The following SLC22A17 variants were observed in gnomAD, a reference collection of about 807,000 sequenced individuals.
SLC22A17 encodes solute carrier family 22 member 17, also known as 24p3 receptor.
A neutral mutation model predicts 53.6 loss-of-function variants in SLC22A17; 38 were observed. The ratio of observed to expected loss-of-function variants is 0.71; its 90% CI spans 0.55 to 0.93. The LOEUF is 0.93. Among genes scored for constraint, SLC22A17 ranks in the 40% least tolerant of loss-of-function variants. The pLI is 0.00. For synonymous variants in SLC22A17, 379 were observed against 353.0 expected (o/e 1.07, Z -0.82); for missense variants, 704 against 791.0 (o/e 0.89, Z 1.32).
chr14:23,347,249 G>A lies in SLC22A17; in HGVS notation c.1550-37C>T. ...AGAGGGATGATATGAATGCAGGTGG[G>A]GAGGTCAAGGCTGGCCTAGTCCCGG... is the stretch of plus-strand genomic sequence containing the variant. On this transcript the variant is annotated intron_variant, in intron 8 of 9. Coordinates refer to ENST00000397267, the Ensembl canonical transcript of SLC22A17. The surrounding 1 kb of genome is among the most constrained non-coding windows in gnomAD (Gnocchi z 5.1). The A allele has an allele frequency of 6.3e-7, 1 of 1,580,062 alleles. No homozygotes were observed. The highest frequency in any genetic ancestry group is 1.7e-4 in the Middle Eastern group (1 of 6,014).
rs765203513 is a variant in SLC22A17 at position 23,347,085 on chromosome 14, G to A, written c.1661+16C>T. On this transcript the variant is annotated intron_variant, in intron 9 of 9. Coordinates refer to ENST00000397267, the Ensembl canonical transcript of SLC22A17. The surrounding 1 kb of genome is among the most constrained non-coding windows in gnomAD (Gnocchi z 5.1). ...AGGGGGCCCGGCTCTGCCCCTGGGG[G>A]CACCCCTGCTCTCACCGGACAGTGG... 3.1e-6 allele frequency: 5 copies of A among 1,603,622 alleles called. No homozygotes were observed. In the South Asian group the frequency reaches 3.3e-5, roughly 11 times the overall value.
In SLC22A17 at chr14:23,347,278, T is replaced by A; in HGVS notation, c.1550-66A>T. ...GTCAAGGCTGGCCTAGTCCCGGGTG[T>A]CATCCCCTTGGCTCTCTGTTCCCAT... On this transcript the variant is annotated intron_variant, in intron 8 of 9. Coordinates refer to ENST00000397267, the Ensembl canonical transcript of SLC22A17. The surrounding 1 kb of genome is among the most constrained non-coding windows in gnomAD (Gnocchi z 5.1). 1 of 1,508,168 alleles carries A rather than the reference T, an allele frequency of 6.6e-7. No homozygotes were observed. The highest frequency in any genetic ancestry group is 9.0e-7 in the Non-Finnish European group (1 of 1,107,402). 93.4% of individuals were successfully genotyped at this position (1,508,168 alleles called of 1,614,324 possible).
chr14:23,346,747 C>T (rs564662695), exon 10 of SLC22A17: 3 of 1,545,400 alleles, frequency 1.9e-6, no homozygotes, highest in African/African-American at 1.3e-5. Context: ...GCTCCCCGTC[C>T]CGGAGCACCT....
Position 23,347,311 on chromosome 14 carries a change from G to T in SLC22A17, c.1550-99C>A. ...TTGGCTCTCTGTTCCCATGGCTCTA[G>T]CTGGGCAGGCTCTGGGCATTCAGTA... is the stretch of plus-strand genomic sequence containing the variant. On this transcript the variant is annotated intron_variant, in intron 8 of 9. Coordinates refer to ENST00000397267, the Ensembl canonical transcript of SLC22A17. This position sits in a 1 kb window ranked among gnomAD's most constrained non-coding sequence, Gnocchi z 5.1. The T allele has an allele frequency of 6.8e-7, 1 of 1,466,650 alleles. No individual in the cohort carries two copies. The highest frequency in any genetic ancestry group is 9.2e-7 in the Non-Finnish European group (1 of 1,081,454). 90.9% of individuals were successfully genotyped at this position (1,466,650 alleles called of 1,614,324 possible).
intron 3 of SLC22A17, chr14:23,350,827 G>A (rs553283574): frequency 4.6e-5 from 7 of 152,310 alleles, no homozygotes; most frequent in South Asian, 2.1e-4. Flanking sequence ...TGTGGGTTTC[G>A]GATCATTGGC....
At chr14:23,349,079 A>T in intron 4 of SLC22A17, 193 bp downstream of exon 4, 1 of 700,166 alleles carries the variant, frequency 1.4e-6, no homozygotes, top group Non-Finnish European at 2.5e-6. Context: ...CAAAGACTTT[A>T]AAGATTGTCG....
At chr14:23,350,703 A>G (rs1889570259) in intron 3 of SLC22A17, among the ~76,000 whole-genome samples, 1 of 152,204 alleles carries the variant, frequency 6.6e-6, no homozygotes, top group Non-Finnish European at 1.5e-5. Context: ...TGAAGGCTAC[A>G]GATTTTAGAA....
chr14:23,348,786 G>A lies in SLC22A17; in HGVS notation c.860-115C>T, dbSNP rs1012958301. 4 of 1,162,140 alleles carry A rather than the reference G, an allele frequency of 3.4e-6. No homozygotes were observed. Among genetic ancestry groups the A allele is most frequent in the Admixed American group, 2.9e-5 (1 of 35,084 alleles). 72.0% of individuals were successfully genotyped at this position (1,162,140 alleles called of 1,614,324 possible). On this transcript the variant is annotated intron_variant, in intron 4 of 9. Coordinates refer to ENST00000397267, the Ensembl canonical transcript of SLC22A17. The surrounding 1 kb of genome is among the most constrained non-coding windows in gnomAD (Gnocchi z 4.5). ...AGAGAGAGAGGTCAGACCCAGAGTG[G>A]AGGCTGCAGCCATTGCCTCCCTTGC...
Position 23,347,240 on chromosome 14 carries a change from T to G in SLC22A17, c.1550-28A>C. 6.3e-7 allele frequency: 1 copy of G among 1,591,856 alleles called. No homozygotes were observed. Among genetic ancestry groups the G allele is most frequent in the Non-Finnish European group, 8.6e-7 (1 of 1,164,384 alleles). On this transcript the variant is annotated intron_variant, in intron 8 of 9. Transcript: ENST00000397267. The surrounding 1 kb of genome is among the most constrained non-coding windows in gnomAD (Gnocchi z 5.1). ...GCAGAAGCAAGAGGGATGATATGAATGCAGGTGGGGAGGTCAAGGCTGGCC... is the reference window on the plus strand; with the variant it reads ...GCAGAAGCAAGAGGGATGATATGAAGGCAGGTGGGGAGGTCAAGGCTGGCC...
exon 10 of SLC22A17, chr14:23,346,534 G>T: frequency 7.7e-7 from 1 of 1,305,232 alleles, no homozygotes; most frequent in Non-Finnish European, 1.0e-6. Flanking sequence ...GCGATGGCTG[G>T]CGTGAGGTGC....
rs749914641 is a variant in SLC22A17 at position 23,347,422 on chromosome 14, C to T, written c.1549+38G>A. 7 of 1,599,232 alleles carry T rather than the reference C, an allele frequency of 4.4e-6. No individual in the cohort carries two copies. The East Asian group carries it at 6.7e-5, about 15-fold the overall frequency. ...AGGGTCTGGGGCTTGTCTTGGGAGGCCTGTGCCAGAAGAAATGGCTGTGCC... is the reference window on the plus strand; with the variant it reads ...AGGGTCTGGGGCTTGTCTTGGGAGGTCTGTGCCAGAAGAAATGGCTGTGCC... On this transcript the variant is annotated intron_variant, in intron 8 of 9. Transcript: ENST00000397267. This position sits in a 1 kb window ranked among gnomAD's most constrained non-coding sequence, Gnocchi z 5.1.
rs780366225 is a variant in SLC22A17 at position 23,349,445 on chromosome 14, T to C, written c.705-19A>G. The C allele has an allele frequency of 6.2e-7, 1 of 1,605,430 alleles. No individual in the cohort carries two copies. Among genetic ancestry groups the C allele is most frequent in the African/African-American group, 1.3e-5 (1 of 74,762 alleles). On this transcript the variant is annotated intron_variant, in intron 3 of 9. Coordinates refer to ENST00000397267, the Ensembl canonical transcript of SLC22A17. ...GCCAAATCTAGAAAGTGGGAAGGGC[T>C]TCTGGTCACCCAGACTCTCTGGTGG...
chr14:23,351,881 G>A (rs367910877), intron 2 of SLC22A17, 26 bp from the exon 3 acceptor site: 110 of 1,611,874 alleles, frequency 6.8e-5, no homozygotes, highest in Non-Finnish European at 8.8e-5. Context: ...GGGTGCAGCG[G>A]GCGTGAGGCC....
Position 23,352,685 on chromosome 14 carries a change from T to C in SLC22A17, c.57A>G (p.Lys19=). 5.0e-6 allele frequency: 2 copies of C among 398,274 alleles called. No individual in the cohort carries two copies. Among genetic ancestry groups the C allele is most frequent in the Non-Finnish European group, 8.9e-6 (2 of 225,826 alleles). 24.7% of individuals were successfully genotyped at this position (398,274 alleles called of 1,614,324 possible). A position where few individuals can be genotyped will look rare whatever the true frequency, so the allele number is the denominator to read the frequency against. Residue 19 remains lysine, a synonymous_variant, in exon 1 of 10, where the codon AAA becomes AAG. Transcript: ENST00000397267. The surrounding 1 kb of genome is among the most constrained non-coding windows in gnomAD (Gnocchi z 7.2). ...GGGTGATCTCTACAGTGTTGTCGAT[T>C]TTGCCGCCGCCCCCGCCATTGGGCT...
Position 23,347,492 on chromosome 14 carries a change from G to A in SLC22A17, c.1517C>T (p.Thr506Ile). Residue 506 changes from threonine to isoleucine, a missense_variant, in exon 8 of 10, where the codon ACA (threonine) becomes ATA (isoleucine). Around this residue, in one of 4 missense-constraint regions of SLC22A17, gnomAD observed 435 missense variants for 529.0 expected, o/e 0.82. Transcript: ENST00000397267. The surrounding 1 kb of genome is among the most constrained non-coding windows in gnomAD (Gnocchi z 5.1). ...GGGGTTCCCTTGTTGAGCCCACACT[G>A]TGGGGAAGATAGGATGCTCACAATC... 6.2e-7 allele frequency: 1 copy of A among 1,614,074 alleles called. No individual in the cohort carries two copies. Among genetic ancestry groups the A allele is most frequent in the Non-Finnish European group, 8.5e-7 (1 of 1,179,968 alleles).
exon 10 of SLC22A17, chr14:23,346,844 A>C: frequency 1.3e-6 from 2 of 1,539,882 alleles, no homozygotes; most frequent in Non-Finnish European, 1.7e-6. Flanking sequence ...CACGTGCTGC[A>C]GGAAGGCTCC....
In SLC22A17 at chr14:23,352,595, G is replaced by T. The variant is rs1889713376; in HGVS notation, c.96+51C>A. On this transcript the variant is annotated intron_variant, in intron 1 of 9. Coordinates refer to ENST00000397267, the Ensembl canonical transcript of SLC22A17. The surrounding 1 kb of genome is among the most constrained non-coding windows in gnomAD (Gnocchi z 7.2). ...GGAAAATGCCAGACGCTCCGCGGGG[G>T]CGGGGGTGCTGGGAGAGGATGGCGT... The T allele has an allele frequency of 4.8e-6, 2 of 417,202 alleles. No individual in the cohort carries two copies. 25.8% of individuals were successfully genotyped at this position (417,202 alleles called of 1,614,324 possible). A position where few individuals can be genotyped will look rare whatever the true frequency, so the allele number is the denominator to read the frequency against.
rs1889271905 is a variant in SLC22A17 at position 23,347,202 on chromosome 14, C to T, written c.1560G>A (p.Glu520=). The T allele has an allele frequency of 3.1e-6, 5 of 1,613,412 alleles. No homozygotes were observed. The highest frequency in any genetic ancestry group is 2.5e-6 in the Non-Finnish European group (3 of 1,179,738). ...GGACAGAGAAAGTGGTGATGGCAGC[C>T]TCGTTCAGATCTGCAGAAGCAAGAG... Residue 520 remains glutamate, a synonymous_variant, in exon 9 of 10, where the codon GAG becomes GAA. Transcript: ENST00000397267. This position sits in a 1 kb window ranked among gnomAD's most constrained non-coding sequence, Gnocchi z 5.1.
At chr14:23,346,818 C>A (rs1042711739) in exon 10 of SLC22A17, 1 of 1,540,710 alleles carries the variant, frequency 6.5e-7, no homozygotes, top group South Asian at 1.2e-5. Flanking sequence ...CAGAGGAGGG[C>A]GCAGGCCGCC....
Sources: gnomAD v4.1 joint callset for allele counts (sites outside exome capture counted in the v4.1 genomes callset) on GRCh38, gnomAD v4.1.1 for gene constraint, gnomAD v4.1.1 regional missense constraint, Gnocchi (gnomAD v3.1) non-coding constraint, MANE v1.5 for transcripts, NCBI Gene and HGNC (gene_info 2026-07-23, HGNC 2026-07-21) for gene names.